The following ITGBL1 variants were observed in gnomAD, a reference collection of about 807,000 sequenced individuals.
ITGBL1 encodes the protein integrin subunit beta like 1, also known as integrin beta-like protein 1.
In ITGBL1, 51 loss-of-function variants were observed where a neutral mutation model predicts 68.5. That is an observed-to-expected ratio of 0.74 (90% confidence interval 0.59 to 0.94). The LOEUF is 0.94. ITGBL1 is among the 40% of genes least tolerant of loss of function. The pLI is 0.00. For missense variants in ITGBL1, 649 were observed against 647.4 expected, an observed-to-expected ratio of 1.00 and a Z score of -0.03; for synonymous variants, 209 against 227.3, an observed-to-expected ratio of 0.92 and a Z score of 0.72.
chr13:101,465,289 G>A (rs1056325449), intron 2 of ITGBL1, among the ~76,000 whole-genome samples: 1 of 151,962 alleles, frequency 6.6e-6, no homozygotes, highest in Non-Finnish European at 1.5e-5. Context: ...ACCAAAATTA[G>A]GTTTCATTGG....
intron 6 of ITGBL1, among the ~76,000 whole-genome samples, chr13:101,594,916 A>G (rs189631308): frequency 6.6e-6 from 1 of 152,326 alleles, no homozygotes; most frequent in East Asian, 1.9e-4. Context: ...TCTACTAAAA[A>G]TACAAAAATT....
At chr13:101,709,388 A>AG (rs1311069858) in intron 9 of ITGBL1, among the ~76,000 whole-genome samples, 4 of 149,496 alleles carry the variant, frequency 2.7e-5, no homozygotes, top group African/African-American at 9.9e-5. Context: ...AAAAAAAAAA[A>AG]AAAAAAAAAA....
At chr13:101,471,191 A>G (rs1426212593) in intron 2 of ITGBL1, among the ~76,000 whole-genome samples, 2 of 152,184 alleles carry the variant, frequency 1.3e-5, no homozygotes, top group Non-Finnish European at 2.9e-5. Context: ...AAGGAGAAAG[A>G]CTATATGGGT....
chr13:101,480,032 A>G (rs2048595020), intron 2 of ITGBL1, among the ~76,000 whole-genome samples: 1 of 152,152 alleles, frequency 6.6e-6, no homozygotes, highest in Non-Finnish European at 1.5e-5. Context: ...TTATTGCAGC[A>G]CTATTCACTA....
intron 9 of ITGBL1, chr13:101,713,633 G>A (rs1287099037): frequency 1.3e-5 from 2 of 152,160 alleles, no homozygotes; most frequent in Admixed American, 1.3e-4. Flanking sequence ...TTTAGACTGA[G>A]AGAACTTCTG....
chr13:101,645,246 A>G (rs566406040), intron 7 of ITGBL1, among the ~76,000 whole-genome samples: 2 of 152,248 alleles, frequency 1.3e-5, no homozygotes, highest in South Asian at 2.1e-4. Context: ...CAGGGACCCT[A>G]GAGTCATCCC....
intron 7 of ITGBL1, among the ~76,000 whole-genome samples, chr13:101,641,059 T>C (rs940327055): frequency 1.3e-5 from 2 of 152,222 alleles, no homozygotes; most frequent in Non-Finnish European, 2.9e-5. Flanking sequence ...TTTATGCCTA[T>C]GTTCTGAGTG....
At chr13:101,713,105 T>C (rs1483141068) in intron 9 of ITGBL1, 1 of 152,206 alleles carries the variant, frequency 6.6e-6, no homozygotes, top group East Asian at 1.9e-4. Flanking sequence ...ACTCTTACTT[T>C]GAGAAGTGTG....
At chr13:101,511,453 T>G (rs2049114519) in intron 2 of ITGBL1, among the ~76,000 whole-genome samples, 1 of 152,152 alleles carries the variant, frequency 6.6e-6, no homozygotes, top group South Asian at 2.1e-4. Flanking sequence ...ACTCCAGTGA[T>G]TTTGTTAACT....
At chr13:101,571,969 A>G (rs941756006) in intron 3 of ITGBL1, among the ~76,000 whole-genome samples, 2 of 152,012 alleles carry the variant, frequency 1.3e-5, no homozygotes, top group Admixed American at 1.3e-4. Flanking sequence ...AGAATGATCT[A>G]GTGCACATAT....
intron 4 of ITGBL1, among the ~76,000 whole-genome samples, chr13:101,577,570 T>G (rs554535520): frequency 6.6e-6 from 1 of 152,300 alleles, no homozygotes; most frequent in Admixed American, 6.5e-5. Context: ...AGAATTTGGA[T>G]GTGAGAAATA....
At chr13:101,618,785 G>A (rs16959194) in intron 7 of ITGBL1, among the ~76,000 whole-genome samples, 18,700 of 152,006 alleles carry the variant, frequency 0.12, 1,649 homozygotes, top group African/African-American at 0.25. Flanking sequence ...TTTTAGCATC[G>A]TCTAAGGTTA....
chr13:101,507,184 C>T (rs2049039508), intron 2 of ITGBL1, among the ~76,000 whole-genome samples: 1 of 152,162 alleles, frequency 6.6e-6, no homozygotes, highest in Non-Finnish European at 1.5e-5. Context: ...AGTGGTTCCT[C>T]ATTCATCTAT....
chr13:101,691,923 C>A (rs1158827171), intron 7 of ITGBL1, among the ~76,000 whole-genome samples: 1 of 152,102 alleles, frequency 6.6e-6, no homozygotes, highest in Non-Finnish European at 1.5e-5. Flanking sequence ...AGTTACCACT[C>A]AATAAATCAT....
chr13:101,537,236 T>A (rs1366396493), intron 2 of ITGBL1, among the ~76,000 whole-genome samples: 3 of 151,978 alleles, frequency 2.0e-5, no homozygotes, highest in African/African-American at 7.2e-5. Context: ...TCAAACCACA[T>A]CTTAGCAGTC....
At chr13:101,671,796 T>C (rs2033384662) in intron 7 of ITGBL1, among the ~76,000 whole-genome samples, 1 of 152,212 alleles carries the variant, frequency 6.6e-6, no homozygotes, top group African/African-American at 2.4e-5. Flanking sequence ...TATTTGATCC[T>C]ATCAAAATTC....
chr13:101,464,145 C>T (rs539185207), intron 2 of ITGBL1, among the ~76,000 whole-genome samples: 9 of 152,004 alleles, frequency 5.9e-5, no homozygotes, highest in Admixed American at 4.6e-4. Context: ...GCGATCCACC[C>T]GCCTCAGCCT....
intron 7 of ITGBL1, among the ~76,000 whole-genome samples, chr13:101,657,348 T>C (rs1224102247): frequency 1.3e-5 from 2 of 152,218 alleles, no homozygotes; most frequent in African/African-American, 2.4e-5. Flanking sequence ...CTGAAACATA[T>C]TCCCTCTTTA....
intron 2 of ITGBL1, among the ~76,000 whole-genome samples, chr13:101,521,838 T>C (rs1285121408): frequency 1.3e-5 from 2 of 149,570 alleles, no homozygotes; most frequent in Non-Finnish European, 3.0e-5. Flanking sequence ...CTTTTCTTGC[T>C]TTTTTTTTTC....
Sources: allele counts gnomAD v4.1 joint callset (sites outside exome capture counted in the v4.1 genomes callset), GRCh38; gene constraint gnomAD v4.1.1; transcripts MANE v1.5; gene names NCBI Gene and HGNC (gene_info 2026-07-23, HGNC 2026-07-21).